Variants in TMPRSS3 observed in about 807,000 individuals in gnomAD.
TMPRSS3 encodes the protein transmembrane protease serine 3.
In TMPRSS3, 55 loss-of-function variants were observed where a neutral mutation model predicts 59.6. The observed-to-expected ratio is 0.92, with a 90% CI of 0.74 to 1.16. The LOEUF (loss-of-function observed/expected upper bound fraction) is 1.16. TMPRSS3 is among the 50% of genes most tolerant of loss of function. The pLI is 0.00. For missense variants in TMPRSS3, 596 were observed against 579.4 expected, an observed-to-expected ratio of 1.03 and a Z score of -0.29; for synonymous variants, 257 against 237.7, an observed-to-expected ratio of 1.08 and a Z score of -0.75.
Position 42,372,405 on chromosome 21 carries a change from C to G in TMPRSS3, c.*357G>C. 1 of 482,470 alleles carries G rather than the reference C, an allele frequency of 2.1e-6. No homozygotes were observed. Among genetic ancestry groups the G allele is most frequent in the Non-Finnish European group, 4.1e-6 (1 of 246,136 alleles). The allele number at this position is 482,470 out of a possible 1,614,324, so 29.9% of individuals were successfully genotyped here. ...TGAAACCCTGTCTCTACTAAAAATA[C>G]AAAAATTAGTTGGGTGTGGTGGCGG... On this transcript the variant is annotated 3_prime_UTR_variant, in exon 13 of 13. Transcript: ENST00000644384.
At chr21:42,377,378 G>A (rs796288159) in intron 10 of TMPRSS3, among the ~76,000 whole-genome samples, 8 of 152,174 alleles carry the variant, frequency 5.3e-5, no homozygotes, top group African/African-American at 1.7e-4. Context: ...GGAGGGGCAC[G>A]AGCCAAGCAG....
Position 42,372,186 on chromosome 21 carries a change from C to G in TMPRSS3, c.*576G>C. 2.2e-6 allele frequency: 1 copy of G among 449,262 alleles called. No homozygotes were observed. Among genetic ancestry groups the G allele is most frequent in the Non-Finnish European group, 4.5e-6 (1 of 223,034 alleles). 27.8% of individuals were successfully genotyped at this position (449,262 alleles called of 1,614,324 possible). On this transcript the variant is annotated 3_prime_UTR_variant, in exon 13 of 13. Transcript: ENST00000644384. ...ATCTCGTCAGGAATTTTGCAAGACCCCTGGAGAGAAAACCAGATGGACCAG... is the reference window on the plus strand; with the variant it reads ...ATCTCGTCAGGAATTTTGCAAGACCGCTGGAGAGAAAACCAGATGGACCAG...
rs553403525 is a variant in TMPRSS3 at position 42,388,839 on chromosome 21, A to G, written c.322+90T>C. ...CTGAAGACATGACCTAAAAATGGCA[A>G]TGACTTGGACCCATTTTACAGATGG... On this transcript the variant is annotated intron_variant, in intron 4 of 12. Coordinates refer to ENST00000644384, the MANE Select transcript of TMPRSS3 (RefSeq NM_001256317.3). This position sits in a 1 kb window ranked among gnomAD's most constrained non-coding sequence, Gnocchi z 5.1. The G allele has an allele frequency of 1.7e-6, 2 of 1,205,926 alleles. No individual in the cohort carries two copies. The highest frequency in any genetic ancestry group is 4.6e-5 in the East Asian group (2 of 43,118). The allele number at this position is 1,205,926 out of a possible 1,614,324, so 74.7% of individuals were successfully genotyped here.
At chr21:42,387,088 G>A (rs930160749) in intron 5 of TMPRSS3, among the ~76,000 whole-genome samples, 1 of 113,750 alleles carries the variant, frequency 8.8e-6, no homozygotes, top group African/African-American at 4.5e-5. Context: ...AGACGGGAAG[G>A]CTACCCCCAC....
rs1400630212 is a variant in TMPRSS3, at chr21:42,388,219, C to T, written c.446+184G>A. ...CATGTGCCTTGAGCAAGTCACTTAG[C>T]CTGTCTGGCCTTGGTTTGCTTGCCT... is the stretch of plus-strand genomic sequence containing the variant. On this transcript the variant is annotated intron_variant, in intron 5 of 12. Coordinates refer to ENST00000644384, the MANE Select transcript of TMPRSS3 (RefSeq NM_001256317.3). The surrounding 1 kb of genome is among the most constrained non-coding windows in gnomAD (Gnocchi z 5.1). Among the ~76,000 whole-genome samples, 1 of 152,236 alleles carries T rather than the reference C, an allele frequency of 6.6e-6. No individual in the cohort carries two copies.
At chr21:42,393,834 G>A (rs1281603673) in intron 2 of TMPRSS3, among the ~76,000 whole-genome samples, 2 of 152,186 alleles carry the variant, frequency 1.3e-5, no homozygotes, top group East Asian at 1.9e-4. Context: ...TACAAAAGAA[G>A]GGGGTGGGCC....
At chr21:42,395,267 G>T in intron 2 of TMPRSS3, 57 bp downstream of exon 2, 2 of 1,443,740 alleles carry the variant, frequency 1.4e-6, no homozygotes, top group Non-Finnish European at 1.9e-6. Flanking sequence ...AGTCACATTG[G>T]TCACCTACAT....
intron 3 of TMPRSS3, among the ~76,000 whole-genome samples, chr21:42,389,597 T>C (rs1159669761): frequency 6.6e-6 from 1 of 152,246 alleles, no homozygotes. Context: ...ATTGCATGAA[T>C]AGGTCTCTTT....
At position 42,378,553 on chromosome 21, in the gene TMPRSS3, G is replaced by A. The variant is rs61697048; in HGVS notation, c.1048+1564C>T. Among the ~76,000 whole-genome samples the A allele has an allele frequency of 7.8e-3, 1,185 of 152,268 alleles. 15 individuals carry two copies. Among genetic ancestry groups the A allele is most frequent in the African/African-American group, 0.026 (1,089 of 41,536 alleles). The stretch of plus-strand genomic sequence containing the variant: ...ACAGAGACACAGGGGGCAAAGCCAC[G>A]GGAGGAAGGAGGCTGAGGCTGGAGA... On this transcript the variant is annotated intron_variant, in intron 10 of 12. Coordinates refer to ENST00000644384, the MANE Select transcript of TMPRSS3 (RefSeq NM_001256317.3).
Position 42,382,073 on chromosome 21 carries a change from G to C in TMPRSS3, c.944C>G (p.Thr315Arg). 1 of 1,614,216 alleles carries C rather than the reference G, an allele frequency of 6.2e-7. No individual in the cohort carries two copies. The highest frequency in any genetic ancestry group is 8.5e-7 in the Non-Finnish European group (1 of 1,180,046). ...IALMKLAGPLTFNEMIQPVCL... is the reference protein window; with the variant it reads ...IALMKLAGPLRFNEMIQPVCL... The stretch of plus-strand genomic sequence containing the variant: ...TAGAGACCCAGATGTACCATTGAAC[G>C]TGAGTGGCCCGGCCAGCTTCATAAG... The change falls in exon 9 of 13, where the codon ACG becomes AGG. Residue 315 changes from threonine to arginine, a missense_variant. Thr to Arg is a moderately conservative substitution (Grantham distance 71). Transcript: ENST00000644384.
intron 2 of TMPRSS3, 189 bp from the exon 3 acceptor site, chr21:42,390,226 C>T (rs2052713462): frequency 1.6e-6 from 1 of 618,354 alleles, no homozygotes; most frequent in Non-Finnish European, 2.9e-6. Flanking sequence ...CTACCTGCTC[C>T]ACCTCTGACC....
At chr21:42,379,678 A>C (rs2052488236) in intron 10 of TMPRSS3, among the ~76,000 whole-genome samples, 1 of 152,152 alleles carries the variant, frequency 6.6e-6, no homozygotes, top group South Asian at 2.1e-4. Context: ...CAGCGATCTC[A>C]TCTGCTGCTG....
In TMPRSS3 at chr21:42,376,659, T is replaced by C; in HGVS notation, c.1073A>G (p.His358Arg). ...DGGDASPVLN[H>R]AAVPLISNKI... Reference sequence around the variant, plus strand: ...GTTGGAAATCAAAGGGACGGCCGCGTGGTTCAGGACAGGGGAGGCGTCACC... The same window carrying C: ...GTTGGAAATCAAAGGGACGGCCGCGCGGTTCAGGACAGGGGAGGCGTCACC... Residue 358 changes from histidine (H) to arginine (R), a missense_variant, in exon 11 of 13, where the codon CAC (histidine) becomes CGC (arginine). Physicochemically the swap from His to Arg is conservative, Grantham distance 29. Transcript: ENST00000644384. The C allele has an allele frequency of 6.2e-7, 1 of 1,613,950 alleles. No homozygotes were observed. Among genetic ancestry groups the C allele is most frequent in the Non-Finnish European group, 8.5e-7 (1 of 1,179,996 alleles).
intron 3 of TMPRSS3, 152 bp downstream of exon 3, chr21:42,389,775 A>G (rs1219165702): frequency 1.5e-6 from 1 of 686,904 alleles, no homozygotes; most frequent in Non-Finnish European, 2.6e-6. Flanking sequence ...ATGTGGGCAA[A>G]TAAAACTTCA....
At chr21:42,374,938 A>G (rs763439689) in intron 12 of TMPRSS3, among the ~76,000 whole-genome samples, 1 of 152,062 alleles carries the variant, frequency 6.6e-6, no homozygotes. Flanking sequence ...GCAGTTTCTA[A>G]GATCCCATCA....
At chr21:42,374,718 T>A (rs876125) in intron 12 of TMPRSS3, among the ~76,000 whole-genome samples, 38,466 of 151,938 alleles carry the variant, frequency 0.25, 5,200 homozygotes, top group African/African-American at 0.33. Context: ...CACTTTAAAA[T>A]GGTGAATTGT....
chr21:42,381,999 T>C, intron 9 of TMPRSS3, 66 bp downstream of exon 9: 2 of 1,593,470 alleles, frequency 1.3e-6, no homozygotes, highest in East Asian at 4.5e-5. Flanking sequence ...AATGCTTCAA[T>C]GAGCAATTGC....
At chr21:42,390,077 C>T in intron 2 of TMPRSS3, 40 bp from the exon 3 acceptor site, 1 of 1,475,898 alleles carries the variant, frequency 6.8e-7, no homozygotes, top group African/African-American at 1.4e-5. Flanking sequence ...GCCACAGAAC[C>T]TGACTTGGAG....
At chr21:42,386,110 C>G (rs2052630110) in intron 5 of TMPRSS3, among the ~76,000 whole-genome samples, 1 of 152,160 alleles carries the variant, frequency 6.6e-6, no homozygotes, top group South Asian at 2.1e-4. Context: ...CACAGGTCTT[C>G]TGGAGAACAG....
Sources: gnomAD v4.1 joint callset for allele counts (sites outside exome capture counted in the v4.1 genomes callset) on GRCh38, gnomAD v4.1.1 for gene constraint, Gnocchi (gnomAD v3.1) non-coding constraint, MANE v1.5 for transcripts, NCBI Gene and HGNC (gene_info 2026-07-23, HGNC 2026-07-21) for gene names.